The following MARCHF1 variants were observed in gnomAD, a reference collection of about 807,000 sequenced individuals.
MARCHF1 encodes the protein E3 ubiquitin-protein ligase MARCHF1.
A neutral mutation model predicts 54.2 loss-of-function variants in MARCHF1; 40 were observed. The ratio of observed to expected loss-of-function variants is 0.74; its 90% CI spans 0.57 to 0.96. The LOEUF is 0.96. Among genes scored for constraint, MARCHF1 ranks in the 40% least tolerant of loss-of-function variants. The pLI, the probability that MARCHF1 is intolerant of heterozygous loss-of-function variation, is 0.00. For synonymous variants in MARCHF1, 236 were observed against 236.3 expected (o/e 1.00, Z 0.01); for missense variants, 586 against 656.5 (o/e 0.89, Z 1.17).
intron 2 of MARCHF1, among the ~76,000 whole-genome samples, chr4:164,091,252 AT>A (rs1376791304): frequency 1.3e-5 from 2 of 151,974 alleles, no homozygotes; most frequent in East Asian, 3.9e-4. Flanking sequence ...TGATTTAATA[AT>A]TATGCATCAG....
rs1440049467 is a variant in MARCHF1, at chr4:163,580,992, C to T, written c.1191+4757G>A. On this transcript the variant is annotated intron_variant, in intron 8 of 9. Coordinates refer to ENST00000514618, the MANE Select transcript of MARCHF1 (RefSeq NM_001394959.1). Reference sequence around the variant, plus strand: ...TAATTTTTTGTATTTTTAGTAGAGACGGGGTTTCACCTTGTTAGCCAGGAT... The same window carrying T: ...TAATTTTTTGTATTTTTAGTAGAGATGGGGTTTCACCTTGTTAGCCAGGAT... Among the ~76,000 whole-genome samples the T allele has an allele frequency of 5.9e-5, 4 of 67,248 alleles. 2 individuals carry two copies. Among genetic ancestry groups the T allele is most frequent in the African/African-American group, 1.2e-4 (2 of 16,948 alleles). The allele number at this position is 67,248 out of a possible 152,430, so 44.1% of individuals were successfully genotyped here. A position where few individuals can be genotyped will look rare whatever the true frequency, so the allele number is the denominator to read the frequency against.
At chr4:164,340,405 T>TTATATACATATATA (rs58808830) in intron 1 of MARCHF1, among the ~76,000 whole-genome samples, 13 of 95,646 alleles carry the variant, frequency 1.4e-4, no homozygotes, top group African/African-American at 4.7e-4. Context: ...AGGCCTTGAT[T>TTATATACATATATA]TATATATAGA....
chr4:163,764,944 C>A (rs1000023707), intron 4 of MARCHF1, among the ~76,000 whole-genome samples: 2 of 152,036 alleles, frequency 1.3e-5, no homozygotes, highest in African/African-American at 2.4e-5. Context: ...ATATGGAAAA[C>A]AAAATAAATA....
chr4:163,780,015 C>T (rs903152275), intron 4 of MARCHF1, among the ~76,000 whole-genome samples: 15 of 152,120 alleles, frequency 9.9e-5, no homozygotes, highest in Non-Finnish European at 1.9e-4. Flanking sequence ...ACACCTAAGT[C>T]TGGGAATGAA....
At chr4:163,599,366 A>G (rs1740879871) in intron 7 of MARCHF1, among the ~76,000 whole-genome samples, 1 of 152,054 alleles carries the variant, frequency 6.6e-6, no homozygotes, top group South Asian at 2.1e-4. Flanking sequence ...AAAAACATAC[A>G]CATTAGCTTA....
At chr4:163,802,541 G>T (rs914710222) in intron 4 of MARCHF1, among the ~76,000 whole-genome samples, 1 of 152,088 alleles carries the variant, frequency 6.6e-6, no homozygotes, top group African/African-American at 2.4e-5. Context: ...AGCAGCTTTT[G>T]CTGTAACTGC....
At chr4:163,557,746 T>G (rs1224978509) in intron 8 of MARCHF1, among the ~76,000 whole-genome samples, 1 of 152,120 alleles carries the variant, frequency 6.6e-6, no homozygotes, top group African/African-American at 2.4e-5. Context: ...ACTTATTTAC[T>G]ATTATGATTA....
intron 1 of MARCHF1, among the ~76,000 whole-genome samples, chr4:164,172,803 C>T (rs35544774): frequency 0.19 from 28,639 of 151,802 alleles, 4,352 homozygotes; most frequent in African/African-American, 0.41. Flanking sequence ...CGGTGAAACC[C>T]CGTCTGTACT....
At chr4:163,733,908 A>G (rs533496170) in intron 4 of MARCHF1, among the ~76,000 whole-genome samples, 1 of 152,330 alleles carries the variant, frequency 6.6e-6, no homozygotes, top group African/African-American at 2.4e-5. Flanking sequence ...ATCACATATC[A>G]TATCAAGAAA....
chr4:164,295,165 G>A (rs191192733), intron 1 of MARCHF1, among the ~76,000 whole-genome samples: 141 of 152,204 alleles, frequency 9.3e-4, no homozygotes, highest in Middle Eastern at 3.4e-3. Context: ...TAAACTATGG[G>A]GGAGAATAAA....
intron 8 of MARCHF1, chr4:163,583,641 GT>G (rs1740306332): frequency 9.7e-6 from 1 of 103,086 alleles, no homozygotes; most frequent in South Asian, 3.6e-4. Flanking sequence ...ATGAATTTTT[GT>G]TTTTTGTGTG....
intron 4 of MARCHF1, among the ~76,000 whole-genome samples, chr4:163,742,397 C>CCCTCCCTTCCTTCCTT (rs1312398916): frequency 1.1e-5 from 1 of 91,220 alleles, no homozygotes; most frequent in African/African-American, 4.0e-5. Context: ...CTTCCTTCCT[C>CCCTCCCTTCCTTCCTT]CCTTCCTTCC....
At chr4:163,817,298 C>T (rs1307762658) in intron 4 of MARCHF1, among the ~76,000 whole-genome samples, 1 of 151,840 alleles carries the variant, frequency 6.6e-6, no homozygotes, top group Non-Finnish European at 1.5e-5. Context: ...TATACATATA[C>T]ATACATACAT....
At chr4:163,931,632 C>T (rs1373244095) in intron 3 of MARCHF1, among the ~76,000 whole-genome samples, 1 of 152,134 alleles carries the variant, frequency 6.6e-6, no homozygotes, top group African/African-American at 2.4e-5. Flanking sequence ...AGCTACCAGG[C>T]TATGGTATTT....
Position 164,000,445 on chromosome 4 carries a change from CAATAAAAT to C in MARCHF1, c.-247-11744_-247-11737del, listed in dbSNP as rs531596550. Among the ~76,000 whole-genome samples the C allele has an allele frequency of 3.1e-3, 471 of 151,116 alleles. 8 individuals are homozygous for C. Among genetic ancestry groups the C allele is most frequent in the Non-Finnish European group, 1.1e-3 (73 of 67,546 alleles). On this transcript the variant is annotated intron_variant, in intron 2 of 9. Transcript: ENST00000514618. ...ATCTGTAGGTTTTGGATGGAAAATT[CAATAAAAT>C]ATTCAGTAGATTCAAATATATGAGA...
At chr4:163,864,527 G>T (rs965374692) in intron 3 of MARCHF1, among the ~76,000 whole-genome samples, 12 of 151,842 alleles carry the variant, frequency 7.9e-5, no homozygotes, top group African/African-American at 2.7e-4. Flanking sequence ...AAAAAAATAC[G>T]AATGAAGTTT....
At chr4:164,350,750 G>A (rs1268170093) in intron 1 of MARCHF1, among the ~76,000 whole-genome samples, 1 of 152,162 alleles carries the variant, frequency 6.6e-6, no homozygotes, top group Non-Finnish European at 1.5e-5. Context: ...AGTATTGTTG[G>A]GAGGAGGAGC....
chr4:164,348,546 G>C (rs1452975635), intron 1 of MARCHF1, among the ~76,000 whole-genome samples: 1 of 152,134 alleles, frequency 6.6e-6, no homozygotes, highest in Non-Finnish European at 1.5e-5. Context: ...CCAAATGGCA[G>C]AGAACATACT....
At chr4:164,019,071 C>CA (rs1753606712) in intron 2 of MARCHF1, among the ~76,000 whole-genome samples, 1 of 152,202 alleles carries the variant, frequency 6.6e-6, no homozygotes, top group Admixed American at 6.5e-5. Flanking sequence ...ACATTTTGGT[C>CA]TGCTGCCTTT....
Sources: allele counts gnomAD v4.1 joint callset (sites outside exome capture counted in the v4.1 genomes callset), GRCh38; gene constraint gnomAD v4.1.1; transcripts MANE v1.5; gene names NCBI Gene and HGNC (gene_info 2026-07-23, HGNC 2026-07-21).